Variants in C1QTNF1 observed in about 807,000 individuals in gnomAD.
The protein encoded by C1QTNF1 is C1q and TNF related 1, also known as complement C1q tumor necrosis factor-related protein 1.
C1QTNF1 carries 22 observed loss-of-function variants against 27.8 expected under a neutral mutation model. That is an observed-to-expected ratio of 0.79 (90% CI 0.56 to 1.13). The LOEUF (loss-of-function observed/expected upper bound fraction) is 1.13, where lower values mean the gene tolerates loss of function less well. Ranked by LOEUF, C1QTNF1 falls within the 50% of genes most tolerant of loss-of-function variation. The pLI, the probability that C1QTNF1 is intolerant of heterozygous loss-of-function variation, is 0.00. For synonymous variants in C1QTNF1, 166 were observed against 154.3 expected (o/e 1.08, Z -0.56); for missense variants, 373 against 380.2 (o/e 0.98, Z 0.16).
chr17:79,044,601 A>C (rs2072518209), intron 2 of C1QTNF1, among the ~76,000 whole-genome samples: 1 of 152,074 alleles, frequency 6.6e-6, no homozygotes, highest in South Asian at 2.1e-4. Context: ...GACAGCGGAG[A>C]CTGGGTGGGC....
chr17:79,030,120 T>A (rs569738729), intron 1 of C1QTNF1, among the ~76,000 whole-genome samples: 12 of 152,208 alleles, frequency 7.9e-5, no homozygotes, highest in Non-Finnish European at 1.3e-4. Context: ...AACAAAATGC[T>A]CCCTTAGTCC....
In C1QTNF1 at chr17:79,047,934, T is replaced by C; in HGVS notation, c.692T>C (p.Met231Thr). The C allele has an allele frequency of 3.1e-6, 5 of 1,614,010 alleles. No homozygotes were observed. The highest frequency in any genetic ancestry group is 2.2e-5 in the East Asian group (1 of 44,868). Residue 231 changes from methionine (M) to threonine (T), a missense_variant, in exon 4 of 4, where the codon ATG becomes ACG. Coordinates refer to ENST00000579760, the MANE Select transcript of C1QTNF1 (RefSeq NM_030968.5). ...LFAQVGDRSI[M>T]QSQSLMLELR... The stretch of plus-strand genomic sequence containing the variant: ...GCGCAGGTGGGCGACCGCAGCATCA[T>C]GCAAAGCCAGAGCCTGATGCTGGAG...
At chr17:79,043,402 TGA>T (rs1303495813) in intron 1 of C1QTNF1, 4 of 451,504 alleles carry the variant, frequency 8.9e-6, no homozygotes, top group Non-Finnish European at 1.8e-5. Flanking sequence ...TATGTGCATG[TGA>T]GTGTGAGTGT....
chr17:79,034,915 C>A (rs981755074), intron 1 of C1QTNF1, among the ~76,000 whole-genome samples: 3 of 152,138 alleles, frequency 2.0e-5, no homozygotes, highest in African/African-American at 4.8e-5. Context: ...ATAAGGGACC[C>A]CCATCCACCA....
upstream of C1QTNF1, among the ~76,000 whole-genome samples, chr17:79,023,704 G>GCGTGCGCA (rs1267428917): frequency 2.8e-5 from 4 of 145,030 alleles, no homozygotes; most frequent in South Asian, 9.0e-4. Context: ...GCGCGCGCGC[G>GCGTGCGCA]CACACACACA....
chr17:79,044,260 G>T, intron 2 of C1QTNF1, 137 bp downstream of exon 2: 2 of 1,034,054 alleles, frequency 1.9e-6, no homozygotes, highest in South Asian at 3.4e-5. Flanking sequence ...GGCCCTGCTG[G>T]AGGCTGGTCC....
chr17:79,044,043 T>A lies in C1QTNF1; in HGVS notation c.75T>A (p.Ser25Arg), dbSNP rs1180912952. The part of the protein sequence containing the change: ...LLAFASGLVL[S>R]RVPHVQGEQQ... ...CCTTTGCCTCTGGCCTGGTCCTGAG[T>A]CGTGTGCCCCATGTCCAGGGGGAAC... is the stretch of plus-strand genomic sequence containing the variant. The change falls in exon 2 of 4, where the codon AGT (serine) becomes AGA (arginine). Residue 25 changes from serine to arginine, a missense_variant. Physicochemically the swap from Ser to Arg is moderately radical, Grantham distance 110 (BLOSUM62 -1). Transcript: ENST00000579760. 4 of 1,613,732 alleles carry A rather than the reference T, an allele frequency of 2.5e-6. No individual in the cohort carries two copies. In the East Asian group the frequency reaches 6.7e-5, roughly 27 times the overall value.
rs2072575578 is a variant in C1QTNF1, at chr17:79,046,474, C to T, written c.156-81C>T. The T allele has an allele frequency of 6.3e-6, 10 of 1,585,622 alleles. No homozygotes were observed. The South Asian group carries it at 1.1e-4, about 18-fold the overall frequency. On this transcript the variant is annotated intron_variant, in intron 2 of 3. Coordinates refer to ENST00000579760, the MANE Select transcript of C1QTNF1 (RefSeq NM_030968.5). The surrounding 1 kb of genome is among the most constrained non-coding windows in gnomAD (Gnocchi z 4.8). ...GAGTGAGAAGGCAGGTCAGGCATGC[C>T]AGAACCACTGGCAGCAGGAGAGAGC... is the stretch of plus-strand genomic sequence containing the variant.
chr17:79,033,554 T>C (rs912431747), intron 1 of C1QTNF1, among the ~76,000 whole-genome samples: 1 of 151,604 alleles, frequency 6.6e-6, no homozygotes, highest in African/African-American at 2.4e-5. Context: ...TTTTTTTTTT[T>C]AATTAGCTGG....
intron 1 of C1QTNF1, among the ~76,000 whole-genome samples, chr17:79,035,756 C>T (rs1396934805): frequency 6.6e-6 from 1 of 152,132 alleles, no homozygotes; most frequent in African/African-American, 2.4e-5. Context: ...AACTGGACAC[C>T]ACTAGATGTG....
intron 1 of C1QTNF1, among the ~76,000 whole-genome samples, chr17:79,040,186 A>G (rs891772110): frequency 5.9e-5 from 9 of 152,266 alleles, no homozygotes; most frequent in African/African-American, 2.2e-4. Flanking sequence ...GAAAAATAAA[A>G]TTATGGCGCC....
At chr17:79,036,465 G>A (rs960936998) in intron 1 of C1QTNF1, among the ~76,000 whole-genome samples, 22 of 152,186 alleles carry the variant, frequency 1.4e-4, no homozygotes, top group Non-Finnish European at 1.5e-5. Flanking sequence ...ATGAACCACT[G>A]TGCCCAGCCT....
intron 1 of C1QTNF1, among the ~76,000 whole-genome samples, chr17:79,039,323 C>G (rs2072340623): frequency 6.6e-6 from 1 of 152,220 alleles, no homozygotes; most frequent in Admixed American, 6.5e-5. Context: ...GCTAGCCCCC[C>G]ACCACAGGGG....
chr17:79,046,998 C>A lies in C1QTNF1; in HGVS notation c.295+304C>A. On this transcript the variant is annotated intron_variant, in intron 3 of 3. Coordinates refer to ENST00000579760, the MANE Select transcript of C1QTNF1 (RefSeq NM_030968.5). The surrounding 1 kb of genome is among the most constrained non-coding windows in gnomAD (Gnocchi z 4.8). ...TATGTGGACGCCAGGCTTCTAGGCC[C>A]TTTGCTTTGGGGCTTGGTCCCCCAG... The A allele has an allele frequency of 2.7e-6, 1 of 372,384 alleles. No homozygotes were observed. The highest frequency in any genetic ancestry group is 4.8e-6 in the Non-Finnish European group (1 of 206,592). The allele number at this position is 372,384 out of a possible 1,614,324, so 23.1% of individuals were successfully genotyped here. A position where few individuals can be genotyped will look rare whatever the true frequency, so the allele number is the denominator to read the frequency against.
intron 1 of C1QTNF1, among the ~76,000 whole-genome samples, chr17:79,042,879 G>T (rs2072450283): frequency 6.6e-6 from 1 of 152,162 alleles, no homozygotes; most frequent in Non-Finnish European, 1.5e-5. Flanking sequence ...ATGAGTGGAT[G>T]TGCATGCATG....
At chr17:79,038,016 G>T (rs1251524141) in intron 1 of C1QTNF1, among the ~76,000 whole-genome samples, 1 of 150,886 alleles carries the variant, frequency 6.6e-6, no homozygotes, top group African/African-American at 2.4e-5. Context: ...TTGAGACGGA[G>T]TCTCACTCTG....
At chr17:79,035,380 G>A (rs1302794217) in intron 1 of C1QTNF1, among the ~76,000 whole-genome samples, 2 of 152,036 alleles carry the variant, frequency 1.3e-5, no homozygotes, top group African/African-American at 2.4e-5. Context: ...TGATGGCTAA[G>A]GGGCCGTTGA....
chr17:79,048,194 C>A lies in C1QTNF1; in HGVS notation c.*106C>A. The A allele has an allele frequency of 9.1e-7, 1 of 1,102,162 alleles. No homozygotes were observed. The highest frequency in any genetic ancestry group is 1.3e-6 in the Non-Finnish European group (1 of 798,104). The allele number at this position is 1,102,162 out of a possible 1,614,324, so 68.3% of individuals were successfully genotyped here. On this transcript the variant is annotated 3_prime_UTR_variant, in exon 4 of 4. Coordinates refer to ENST00000579760, the MANE Select transcript of C1QTNF1 (RefSeq NM_030968.5). Reference sequence around the variant, plus strand: ...ACTCCGACTCCCTGGCTTTGGCATTCAGTGAGACGCCCTGCACACACAGAA... The same window carrying A: ...ACTCCGACTCCCTGGCTTTGGCATTAAGTGAGACGCCCTGCACACACAGAA...
At chr17:79,032,639 G>A (rs1239745924) in intron 1 of C1QTNF1, among the ~76,000 whole-genome samples, 1 of 152,212 alleles carries the variant, frequency 6.6e-6, no homozygotes, top group Non-Finnish European at 1.5e-5. Flanking sequence ...GCATCCAAGT[G>A]GCTTGCAGGC....
Sources: allele counts gnomAD v4.1 joint callset (sites outside exome capture counted in the v4.1 genomes callset), GRCh38; gene constraint gnomAD v4.1.1; non-coding constraint Gnocchi (gnomAD v3.1); transcripts MANE v1.5; gene names NCBI Gene and HGNC (gene_info 2026-07-23, HGNC 2026-07-21).